Variants in SLC25A27 observed in about 807,000 individuals in gnomAD.
SLC25A27 encodes the protein mitochondrial uncoupling protein 4.
In SLC25A27, 35 loss-of-function variants were observed where a neutral mutation model predicts 49.1. The observed-to-expected ratio is 0.71, with a 90% CI of 0.54 to 0.95. The LOEUF (loss-of-function observed/expected upper bound fraction) is 0.95, where lower values mean the gene tolerates loss of function less well. SLC25A27 is among the 40% of genes least tolerant of loss of function. The pLI is 0.00. For missense variants in SLC25A27, 339 were observed against 397.1 expected (o/e 0.85, Z 1.24); for synonymous variants, 144 against 136.9 (o/e 1.05, Z -0.36).
intron 8 of SLC25A27, among the ~76,000 whole-genome samples, chr6:46,674,451 T>A (rs1283326124): frequency 6.6e-6 from 1 of 152,094 alleles, no homozygotes; most frequent in East Asian, 1.9e-4. Flanking sequence ...TGCAGCTAGC[T>A]ACAGAAGTTT....
At chr6:46,673,700 G>A in intron 8 of SLC25A27, among the ~76,000 whole-genome samples, 1 of 152,172 alleles carries the variant, frequency 6.6e-6, no homozygotes, top group East Asian at 1.9e-4. Flanking sequence ...TAGGAGATAA[G>A]GCTAGAGAAG....
intron 3 of SLC25A27, among the ~76,000 whole-genome samples, chr6:46,659,825 A>G (rs940114231): frequency 2.0e-5 from 3 of 151,652 alleles, no homozygotes; most frequent in African/African-American, 7.3e-5. Flanking sequence ...GTTGCATTCC[A>G]GCCTGGGTGA....
chr6:46,663,391 G>A (rs945156674), intron 4 of SLC25A27, among the ~76,000 whole-genome samples: 1 of 152,138 alleles, frequency 6.6e-6, no homozygotes, highest in African/African-American at 2.4e-5. Context: ...AGACTGGGCT[G>A]CTGCAGCCCA....
chr6:46,675,823 A>G (rs992367953), intron 8 of SLC25A27, among the ~76,000 whole-genome samples: 2 of 152,126 alleles, frequency 1.3e-5, no homozygotes, highest in Non-Finnish European at 2.9e-5. Flanking sequence ...TCTGAACTGG[A>G]AGGGCTTTTT....
chr6:46,669,516 C>T (rs1224103439), intron 6 of SLC25A27, among the ~76,000 whole-genome samples: 6 of 152,164 alleles, frequency 3.9e-5, no homozygotes, highest in Non-Finnish European at 8.8e-5. Flanking sequence ...ATTTAGATGA[C>T]CCTAAAAGTA....
intron 5 of SLC25A27, 74 bp from the exon 6 acceptor site, chr6:46,668,635 C>T: frequency 1.2e-6 from 1 of 868,830 alleles, no homozygotes; most frequent in Non-Finnish European, 1.9e-6. Context: ...ATTCCTGCCC[C>T]AAGCCTAGCA....
At chr6:46,664,328 T>G (rs1763256913) in intron 4 of SLC25A27, among the ~76,000 whole-genome samples, 1 of 152,230 alleles carries the variant, frequency 6.6e-6, no homozygotes, top group Non-Finnish European at 1.5e-5. Context: ...TTTTACTTCT[T>G]AGTCTGTCAT....
chr6:46,662,637 G>A, intron 4 of SLC25A27, 139 bp downstream of exon 4: 1 of 836,106 alleles, frequency 1.2e-6, no homozygotes, highest in Admixed American at 2.6e-5. Flanking sequence ...TTCATTAAGA[G>A]GAACACTAAG....
chr6:46,666,582 A>G (rs1479842664), intron 5 of SLC25A27, among the ~76,000 whole-genome samples: 1 of 152,086 alleles, frequency 6.6e-6, no homozygotes, highest in Non-Finnish European at 1.5e-5. Flanking sequence ...GAAAATCTTT[A>G]TGATTGTACT....
intron 3 of SLC25A27, 107 bp downstream of exon 3, chr6:46,659,153 TTAAAA>T (rs1168564957): frequency 4.6e-5 from 33 of 722,946 alleles, no homozygotes; most frequent in East Asian, 1.5e-4. Context: ...AGTTATGGAC[TTAAAA>T]TAATAATTAC....
intron 4 of SLC25A27, among the ~76,000 whole-genome samples, chr6:46,664,064 A>G (rs6901132): frequency 0.36 from 54,716 of 151,958 alleles, 10,024 homozygotes; most frequent in South Asian, 0.62. Context: ...CTTTTTGGTG[A>G]GATTCAGAGA....
At chr6:46,665,482 G>A (rs1001151919) in intron 5 of SLC25A27, among the ~76,000 whole-genome samples, 31 of 152,000 alleles carry the variant, frequency 2.0e-4, no homozygotes, top group Non-Finnish European at 3.4e-4. Flanking sequence ...TCAGGAGATC[G>A]AGACCATCCT....
At chr6:46,653,350 TG>T (rs1489573798) in intron 1 of SLC25A27, 52 bp downstream of exon 1, 1 of 1,553,782 alleles carries the variant, frequency 6.4e-7, no homozygotes, top group Admixed American at 2.0e-5. Context: ...CGCGCCGCGC[TG>T]GGGGAGGGTG....
At position 46,653,140 on chromosome 6, in the gene SLC25A27, C is replaced by A. The variant is rs573724704; in HGVS notation, c.-53C>A. On this transcript the variant is annotated 5_prime_UTR_variant, in exon 1 of 9. Coordinates refer to ENST00000371347, the MANE Select transcript of SLC25A27 (RefSeq NM_004277.5). ...TGGCAGGGAAGCGGCCGCCGCGGCG[C>A]GGTGCAGCGCAGCGGCGAGAAGGAG... is the stretch of plus-strand genomic sequence containing the variant. 6.5e-7 allele frequency: 1 copy of A among 1,536,598 alleles called. No homozygotes were observed. The highest frequency in any genetic ancestry group is 2.3e-5 in the East Asian group (1 of 43,848).
At chr6:46,676,023 TAGCCAGTAATGGTTCAATAA>T (rs1222478109) in intron 8 of SLC25A27, among the ~76,000 whole-genome samples, 8 of 152,156 alleles carry the variant, frequency 5.3e-5, no homozygotes, top group African/African-American at 1.9e-4. Flanking sequence ...CCCAGCCCTT[TAGCCAGTAATGGTTCAATAA>T]AAAGAACTCT....
chr6:46,669,866 C>T (rs1438008199), intron 6 of SLC25A27, among the ~76,000 whole-genome samples: 2 of 152,124 alleles, frequency 1.3e-5, no homozygotes, highest in Non-Finnish European at 2.9e-5. Flanking sequence ...GAAGTATAAG[C>T]TCCTCAAGGG....
At chr6:46,658,315 TTTAA>T (rs1184892146) in intron 2 of SLC25A27, among the ~76,000 whole-genome samples, 1 of 152,178 alleles carries the variant, frequency 6.6e-6, no homozygotes, top group East Asian at 1.9e-4. Flanking sequence ...CATGGTTGAT[TTTAA>T]TTATTTTGTT....
rs777697643 is a variant in SLC25A27, at chr6:46,664,730, C to G, written c.507-44C>G. On this transcript the variant is annotated intron_variant, in intron 4 of 8. Transcript: ENST00000371347. ...AGCTTATCCAGTTGAATTTCATACA[C>G]AGGAATACATGGAGTTTTCACATTT... 6 of 1,092,440 alleles carry G rather than the reference C, an allele frequency of 5.5e-6. No individual in the cohort carries two copies. The African/African-American group carries it at 6.3e-5, about 11-fold the overall frequency. 67.7% of individuals were successfully genotyped at this position (1,092,440 alleles called of 1,614,324 possible).
intron 3 of SLC25A27, among the ~76,000 whole-genome samples, chr6:46,659,726 G>A (rs1383006929): frequency 2.6e-5 from 4 of 151,882 alleles, no homozygotes; most frequent in South Asian, 4.2e-4. Context: ...TTGGTGGTGG[G>A]GGACTGTAAT....
Sources: allele counts gnomAD v4.1 joint callset (sites outside exome capture counted in the v4.1 genomes callset), GRCh38; gene constraint gnomAD v4.1.1; transcripts MANE v1.5; gene names NCBI Gene and HGNC (gene_info 2026-07-23, HGNC 2026-07-21).